The following FAAH2 variants were observed in gnomAD, a reference collection of about 807,000 sequenced individuals.
FAAH2 encodes fatty acid amide hydrolase 2.
FAAH2 carries 60 observed loss-of-function variants against 36.9 expected under a neutral mutation model. That is an observed-to-expected ratio of 1.63 (90% CI 1.32 to 2.02). FAAH2 has a LOEUF of 2.02. FAAH2 is among the 30% of genes most tolerant of loss of function. FAAH2 has a pLI of 0.00. For synonymous variants in FAAH2, 214 were observed against 143.8 expected (o/e 1.49, Z -3.49); for missense variants, 689 against 397.5 (o/e 1.73, Z -6.23).
chrX:57,270,088 C>T, the FAAH2 span, among the ~76,000 whole-genome samples: 1 of 112,087 alleles, frequency 8.9e-6, no homozygotes, highest in African/African-American at 3.2e-5. Context: ...GTTATCAACA[C>T]ATTTATGCAT....
At chrX:57,431,843 C>A in intron 7 of FAAH2, 75 bp from the exon 8 acceptor site, 1 of 816,769 alleles carries the variant, frequency 1.2e-6, no homozygotes, top group Non-Finnish European at 1.5e-6. Context: ...GCTCTGCCAT[C>A]TTGCTGATGT....
intron 8 of FAAH2, among the ~76,000 whole-genome samples, chrX:57,437,952 C>T (rs868032678): frequency 1.0e-5 from 1 of 100,373 alleles, no homozygotes; most frequent in Non-Finnish European, 2.0e-5. Context: ...TACATGTATA[C>T]ACATATATAC....
chrX:57,472,839 C>T (rs1276225184), intron 10 of FAAH2, among the ~76,000 whole-genome samples: 4 of 111,173 alleles, frequency 3.6e-5, no homozygotes, highest in Non-Finnish European at 7.6e-5. Flanking sequence ...CCCTGATTGT[C>T]TTTGGTATTT....
chrX:57,253,272 A>G, the FAAH2 span, among the ~76,000 whole-genome samples: 6 of 111,148 alleles, frequency 5.4e-5, no homozygotes, highest in Non-Finnish European at 7.5e-5. Flanking sequence ...GACTATGTGG[A>G]AAGACCAGAT....
At chrX:57,173,280 T>C in the FAAH2 span, among the ~76,000 whole-genome samples, 2 of 112,376 alleles carry the variant, frequency 1.8e-5, no homozygotes, top group Non-Finnish European at 3.8e-5. Context: ...GCTCTCCTTA[T>C]AGAGATTTTT....
chrX:57,260,768 T>C, the FAAH2 span, among the ~76,000 whole-genome samples: 1 of 111,239 alleles, frequency 9.0e-6, no homozygotes, highest in African/African-American at 3.3e-5. Flanking sequence ...TGTATATATA[T>C]ATGAATGGTA....
chrX:57,350,300 A>T (rs2053966165), intron 5 of FAAH2, among the ~76,000 whole-genome samples: 1 of 111,026 alleles, frequency 9.0e-6, no homozygotes, highest in Non-Finnish European at 1.9e-5. Context: ...TTATGAAAAC[A>T]CATGAAAGCA....
Position 57,324,409 on chromosome X carries a change from G to A in FAAH2, c.413-7189G>A, listed in dbSNP as rs951501871. Reference sequence around the variant, plus strand: ...TTGGTAGCTTGATGCGGATGGCATTGAATCTATAAATTACCTTGGGCAGTA... The same window carrying A: ...TTGGTAGCTTGATGCGGATGGCATTAAATCTATAAATTACCTTGGGCAGTA... On this transcript the variant is annotated intron_variant, in intron 3 of 10. Transcript: ENST00000374900. 8.1e-4 allele frequency among the ~76,000 whole-genome samples: 91 copies of A among 111,779 alleles called. 1 individual carries two copies. Among genetic ancestry groups the A allele is most frequent in the African/African-American group, 2.9e-3 (88 of 30,729 alleles).
At chrX:57,363,457 G>A (rs2054334203) in intron 5 of FAAH2, among the ~76,000 whole-genome samples, 1 of 111,645 alleles carries the variant, frequency 9.0e-6, no homozygotes, top group Admixed American at 9.5e-5. Flanking sequence ...AATTCTAGGA[G>A]TCTTTTGGCA....
chrX:57,239,429 TG>T, the FAAH2 span, among the ~76,000 whole-genome samples: 19 of 109,785 alleles, frequency 1.7e-4, no homozygotes, highest in Non-Finnish European at 3.0e-4. Flanking sequence ...AGTTTCTTGA[TG>T]GGGTTTTCTT....
chrX:57,236,921 AT>A, the FAAH2 span, among the ~76,000 whole-genome samples: 3 of 108,830 alleles, frequency 2.8e-5, no homozygotes, highest in African/African-American at 1.0e-4. Context: ...ACCAAAAAAA[AT>A]TATTGATCAG....
the FAAH2 span, among the ~76,000 whole-genome samples, chrX:57,181,601 C>A: frequency 2.7e-5 from 3 of 111,829 alleles, no homozygotes; most frequent in East Asian, 8.3e-4. Flanking sequence ...AATGAAAAAG[C>A]ATTCCATGCT....
intron 7 of FAAH2, among the ~76,000 whole-genome samples, chrX:57,391,044 T>C (rs1188989889): frequency 9.8e-5 from 11 of 111,854 alleles, no homozygotes; most frequent in Non-Finnish European, 1.5e-4. Flanking sequence ...TATCTCATTG[T>C]GGTTTTAATT....
intron 5 of FAAH2, among the ~76,000 whole-genome samples, chrX:57,348,244 T>A (rs1436781101): frequency 9.1e-6 from 1 of 110,365 alleles, no homozygotes; most frequent in Non-Finnish European, 1.9e-5. Flanking sequence ...AGATTTGGCC[T>A]AAACACCCTG....
In FAAH2 at chrX:57,414,028, T is replaced by C. The variant is rs143893246; in HGVS notation, c.997-17890T>C. 3.9e-3 allele frequency among the ~76,000 whole-genome samples: 434 copies of C among 112,069 alleles called. 2 individuals are homozygous for C. Among genetic ancestry groups the C allele is most frequent in the African/African-American group, 0.014 (420 of 30,872 alleles). ...TCTCTGTTTGTCTGTTATTGGTGTATAGGAATGTTTGTAATTTTTGCACAT... is the reference window on the plus strand; with the variant it reads ...TCTCTGTTTGTCTGTTATTGGTGTACAGGAATGTTTGTAATTTTTGCACAT... On this transcript the variant is annotated intron_variant, in intron 7 of 10. Coordinates refer to ENST00000374900, the MANE Select transcript of FAAH2 (RefSeq NM_174912.4).
intron 7 of FAAH2, among the ~76,000 whole-genome samples, chrX:57,406,983 T>C (rs1031480736): frequency 2.7e-5 from 3 of 112,654 alleles, no homozygotes; most frequent in Non-Finnish European, 5.6e-5. Context: ...CAGTCACTAG[T>C]GCTGCCCATC....
chrX:57,215,806 A>G, the FAAH2 span, among the ~76,000 whole-genome samples: 2 of 107,899 alleles, frequency 1.9e-5, no homozygotes, highest in African/African-American at 3.4e-5. Context: ...CACACTCTGA[A>G]ACCTGTCAGG....
At chrX:57,393,832 A>G (rs751388862) in intron 7 of FAAH2, 4 of 872,346 alleles carry the variant, frequency 4.6e-6, no homozygotes, top group Admixed American at 4.4e-5. Context: ...TCAGGAATCT[A>G]TCATTGGTAT....
At chrX:57,176,723 C>T in the FAAH2 span, among the ~76,000 whole-genome samples, 1 of 111,462 alleles carries the variant, frequency 9.0e-6, no homozygotes, top group African/African-American at 3.3e-5. Flanking sequence ...ATTATTTTTG[C>T]ATTTATTTTT....
Sources: gnomAD v4.1 joint callset for allele counts (sites outside exome capture counted in the v4.1 genomes callset) on GRCh38, gnomAD v4.1.1 for gene constraint, MANE v1.5 for transcripts, NCBI Gene and HGNC (gene_info 2026-07-23, HGNC 2026-07-21) for gene names.